Variants in GRAMD1A observed in about 807,000 individuals in gnomAD.
GRAMD1A encodes the protein GRAM domain containing 1A.
Under a neutral mutation model 92.0 loss-of-function variants are expected in GRAMD1A, and 50 were observed. That is an observed-to-expected ratio of 0.54 (90% CI 0.43 to 0.69). GRAMD1A has a LOEUF of 0.69. Ranked by LOEUF, GRAMD1A falls within the 30% of genes least tolerant of loss-of-function variation. The probability of loss-of-function intolerance (pLI) is 0.00; values close to 1 mark genes in which losing one functional copy is unlikely to be tolerated. For synonymous variants in GRAMD1A, 405 were observed against 403.6 expected (o/e 1.00, Z -0.04); for missense variants, 819 against 978.9 (o/e 0.84, Z 2.18).
At chr19:35,005,450 C>T (rs1456061970) in intron 1 of GRAMD1A, among the ~76,000 whole-genome samples, 3 of 151,924 alleles carry the variant, frequency 2.0e-5, no homozygotes, top group Non-Finnish European at 1.5e-5. Context: ...CCGACCAAGG[C>T]GGGAGCTGGG....
Position 35,003,292 on chromosome 19 carries a change from G to A in GRAMD1A, c.8+2806G>A, listed in dbSNP as rs149720846. On this transcript the variant is annotated intron_variant, in intron 1 of 19. Coordinates refer to ENST00000317991, the MANE Select transcript of GRAMD1A (RefSeq NM_020895.5). Reference sequence around the variant, plus strand: ...AGTTTCCCTTTTATGCACACCTGTGGATGCATCCGCCCTTTTCTGACCAGA... The same window carrying A: ...AGTTTCCCTTTTATGCACACCTGTGAATGCATCCGCCCTTTTCTGACCAGA... 4.5e-3 allele frequency among the ~76,000 whole-genome samples: 692 copies of A among 152,166 alleles called. 7 individuals are homozygous for A. Among genetic ancestry groups the A allele is most frequent in the African/African-American group, 0.016 (668 of 41,498 alleles).
At chr19:35,012,126 C>T in intron 7 of GRAMD1A, among the ~76,000 whole-genome samples, 1 of 152,220 alleles carries the variant, frequency 6.6e-6, no homozygotes, top group South Asian at 2.1e-4. Context: ...CTTCACAGCA[C>T]CCAGAATTTT....
intron 3 of GRAMD1A, 107 bp downstream of exon 3, chr19:35,009,550 G>A: frequency 6.1e-6 from 7 of 1,152,094 alleles, no homozygotes; most frequent in Admixed American, 1.7e-5. Flanking sequence ...TGGAGTGGGT[G>A]CAGACCTAGG....
chr19:35,022,912 G>A lies in GRAMD1A; in HGVS notation c.1853+1G>A. On this transcript the variant is annotated splice_donor_variant, in intron 17 of 19. Coordinates refer to ENST00000317991, the MANE Select transcript of GRAMD1A (RefSeq NM_020895.5). LOFTEE classifies it high-confidence loss of function. ...GCTGCTGCTGCAGGATCTGTGTGAG[G>A]TAGGGTCCCGAGTCCTCCCCCTGCC... The A allele has an allele frequency of 1.2e-6, 2 of 1,601,104 alleles. No individual in the cohort carries two copies. Among genetic ancestry groups the A allele is most frequent in the Non-Finnish European group, 1.7e-6 (2 of 1,173,716 alleles).
In GRAMD1A at chr19:35,023,269, C is replaced by T. The variant is rs376474006; in HGVS notation, c.1887C>T (p.Leu629=). 1.9e-6 allele frequency: 3 copies of T among 1,614,046 alleles called. No individual in the cohort carries two copies. Among genetic ancestry groups the T allele is most frequent in the African/African-American group, 1.3e-5 (1 of 74,952 alleles). The change falls in exon 18 of 20, where the codon CTC becomes CTT. Residue 629 remains leucine (L), a synonymous_variant. Transcript: ENST00000317991. Reference sequence around the variant, plus strand: ...TCCTCATCGCCCTCAACGTCCTGCTCTTCTACCGCCTCTGGTCCCTGGAAA... The same window carrying T: ...TCCTCATCGCCCTCAACGTCCTGCTTTTCTACCGCCTCTGGTCCCTGGAAA... ...LIILIALNVL[L]FYRLWSLERT...
chr19:35,000,502 C>G lies in GRAMD1A; in HGVS notation c.8+16C>G, dbSNP rs2014273885. 9 of 1,275,404 alleles carry G rather than the reference C, an allele frequency of 7.1e-6. No homozygotes were observed. The highest frequency in any genetic ancestry group is 9.0e-6 in the Non-Finnish European group (9 of 1,004,380). The allele number at this position is 1,275,404 out of a possible 1,614,324, so 79.0% of individuals were successfully genotyped here. On this transcript the variant is annotated intron_variant, in intron 1 of 19. Coordinates refer to ENST00000317991, the MANE Select transcript of GRAMD1A (RefSeq NM_020895.5). The surrounding 1 kb of genome is among the most constrained non-coding windows in gnomAD (Gnocchi z 4.9). ...CCATGTTCGAGTAAGGACCGGGCGA[C>G]TAGAGCTCAGGGACCGGGCGCGCGG...
rs368508678 is a variant in GRAMD1A at position 35,005,325 on chromosome 19, G to C, written c.9-3794G>C. Among the ~76,000 whole-genome samples the C allele has an allele frequency of 3.9e-5, 6 of 151,956 alleles. 1 individual carries two copies. In the East Asian group the frequency reaches 1.2e-3, roughly 30 times the overall value. ...GGGGGATCGGGAGGCGGGGTAGGGGGTGTTAAATAGGGAGGTAGGGAAGGT... is the reference window on the plus strand; with the variant it reads ...GGGGGATCGGGAGGCGGGGTAGGGGCTGTTAAATAGGGAGGTAGGGAAGGT... On this transcript the variant is annotated intron_variant, in intron 1 of 19. Transcript: ENST00000317991.
rs190473395 is a variant in GRAMD1A at position 35,026,447 on chromosome 19, G to A, written c.*306G>A. ...ATTATATTTATTTGGGGCCGACAGT[G>A]CCCCAATAAAGGGTCAGAAGTGGCT... On this transcript the variant is annotated 3_prime_UTR_variant, in exon 20 of 20. Transcript: ENST00000317991. The A allele has an allele frequency of 3.3e-5, 12 of 365,824 alleles. No individual in the cohort carries two copies. The highest frequency in any genetic ancestry group is 2.0e-4 in the African/African-American group (10 of 49,144). The allele number at this position is 365,824 out of a possible 1,614,324, so 22.7% of individuals were successfully genotyped here.
chr19:35,022,764 C>T lies in GRAMD1A; in HGVS notation c.1842-136C>T. 4.2e-6 allele frequency: 3 copies of T among 716,116 alleles called. No individual in the cohort carries two copies. In the South Asian group the frequency reaches 6.1e-5, roughly 15 times the overall value. The allele number at this position is 716,116 out of a possible 1,614,324, so 44.4% of individuals were successfully genotyped here. ...AGCTACATGCTCAGCCTCTGAGCCT[C>T]AGCTCTCAGCTCTCATCCAGTGAGG... On this transcript the variant is annotated intron_variant, in intron 16 of 19. Transcript: ENST00000317991.
rs748773524 is a variant in GRAMD1A, at chr19:35,009,404, CCT to C, written c.220-15_220-14del. The C allele has an allele frequency of 9.3e-6, 15 of 1,614,034 alleles. No individual in the cohort carries two copies. The East Asian group carries it at 3.3e-4, about 36-fold the overall frequency. On this transcript the variant is annotated splice_polypyrimidine_tract_variant and intron_variant, in intron 2 of 19. Coordinates refer to ENST00000317991, the MANE Select transcript of GRAMD1A (RefSeq NM_020895.5). ...GGTGATCTAGGGGCTCATCCTGACTCCTCTCCTTTTCTTTGCAGAAGATGCAG... is the reference window on the plus strand; with the variant it reads ...GGTGATCTAGGGGCTCATCCTGACTCCTCCTTTTCTTTGCAGAAGATGCAG...
Position 35,009,298 on chromosome 19 carries a change from T to A in GRAMD1A, c.188T>A (p.Leu63Gln). ...GVPGTPSTQS[L>Q]GSRNFIRNSK... Reference sequence around the variant, plus strand: ...CCTGGGACCCCCAGCACCCAGAGCCTAGGCAGCCGGAACTTCATCCGCAAC... The same window carrying A: ...CCTGGGACCCCCAGCACCCAGAGCCAAGGCAGCCGGAACTTCATCCGCAAC... Residue 63 changes from leucine (L) to glutamine (Q), a missense_variant, in exon 2 of 20, where the codon CTA becomes CAA. Around this residue, in one of 3 missense-constraint regions of GRAMD1A, gnomAD observed 98 missense variants for 84.0 expected, o/e 1.17. Transcript: ENST00000317991. The A allele has an allele frequency of 1.2e-6, 2 of 1,613,926 alleles. No homozygotes were observed. The highest frequency in any genetic ancestry group is 1.7e-6 in the Non-Finnish European group (2 of 1,179,906).
At chr19:35,001,806 C>T (rs1027627578) in intron 1 of GRAMD1A, among the ~76,000 whole-genome samples, 1 of 152,056 alleles carries the variant, frequency 6.6e-6, no homozygotes, top group African/African-American at 2.4e-5. Flanking sequence ...TGGGGTTTCA[C>T]CATGTTGGCC....
chr19:35,023,772 G>A (rs1600345950), intron 19 of GRAMD1A: 1 of 480,858 alleles, frequency 2.1e-6, no homozygotes, highest in East Asian at 3.3e-5. Context: ...AAGTCCAGAG[G>A]CGTCTCACAT....
upstream of GRAMD1A, among the ~76,000 whole-genome samples, chr19:34,999,210 G>T (rs1035779077): frequency 6.6e-6 from 1 of 152,124 alleles, no homozygotes; most frequent in African/African-American, 2.4e-5. Flanking sequence ...TATACGTGGA[G>T]CCCACAGTTT....
rs1348930989 is a variant in GRAMD1A at position 35,021,993 on chromosome 19, G to T, written c.1796G>T (p.Gly599Val). Reference sequence around the variant, plus strand: ...TTCTCCGAACCATCTGTGGACCAGGGCCCCGGGGCAGGCATCCCCAGTGCC... The same window carrying T: ...TTCTCCGAACCATCTGTGGACCAGGTCCCCGGGGCAGGCATCCCCAGTGCC... Reference protein sequence around the residue: ...SRFSEPSVDQGPGAGIPSALV... With the variant: ...SRFSEPSVDQVPGAGIPSALV... The change falls in exon 16 of 20, where the codon GGC (glycine) becomes GTC (valine). Residue 599 changes from glycine (G) to valine (V), a missense_variant. Gly to Val is a moderately radical substitution (Grantham distance 109). This residue lies in a region of GRAMD1A where 577 missense variants were observed against 674.6 expected (regional missense o/e 0.86). Coordinates refer to ENST00000317991, the MANE Select transcript of GRAMD1A (RefSeq NM_020895.5). This position sits in a 1 kb window ranked among gnomAD's most constrained non-coding sequence, Gnocchi z 5.3. 1.2e-6 allele frequency: 2 copies of T among 1,614,116 alleles called. No individual in the cohort carries two copies. Among genetic ancestry groups the T allele is most frequent in the East Asian group, 2.2e-5 (1 of 44,886 alleles).
chr19:35,024,991 G>A (rs769539794), intron 19 of GRAMD1A: 1 of 152,212 alleles, frequency 6.6e-6, no homozygotes, highest in Non-Finnish European at 1.5e-5. Context: ...GTCTCACCAT[G>A]TTGCCCAGGC....
chr19:34,996,666 G>A (rs573476563), upstream of GRAMD1A, among the ~76,000 whole-genome samples: 36 of 152,236 alleles, frequency 2.4e-4, 1 homozygote, highest in South Asian at 5.4e-3. Context: ...ATTAGCCAGC[G>A]ATGGTGATGG....
At chr19:35,006,365 G>A (rs1206752155) in intron 1 of GRAMD1A, among the ~76,000 whole-genome samples, 3 of 152,206 alleles carry the variant, frequency 2.0e-5, no homozygotes, top group Non-Finnish European at 4.4e-5. Flanking sequence ...CGTATCCTAT[G>A]GCAAGTGGTT....
At chr19:34,999,644 T>A (rs1379505690), upstream of GRAMD1A, 1 of 152,292 alleles carries the variant, frequency 6.6e-6, no homozygotes, top group Non-Finnish European at 1.5e-5. Context: ...AGGACTGATT[T>A]TGCCCGTTCC....
Sources: gnomAD v4.1 joint callset for allele counts (sites outside exome capture counted in the v4.1 genomes callset) on GRCh38, gnomAD v4.1.1 for gene constraint, gnomAD v4.1.1 regional missense constraint, Gnocchi (gnomAD v3.1) non-coding constraint, MANE v1.5 for transcripts, NCBI Gene and HGNC (gene_info 2026-07-23, HGNC 2026-07-21) for gene names.